Variants in STARD13 observed in about 807,000 individuals in gnomAD.
The protein encoded by STARD13 is stAR-related lipid transfer protein 13.
A neutral mutation model predicts 106.4 loss-of-function variants in STARD13; 62 were observed. The observed-to-expected ratio is 0.58, with a 90% CI of 0.48 to 0.72. STARD13 has a LOEUF of 0.72. Ranked by LOEUF, STARD13 falls within the 30% of genes least tolerant of loss-of-function variation. The probability of loss-of-function intolerance (pLI) is 0.00; values close to 1 mark genes in which losing one functional copy is unlikely to be tolerated. For synonymous variants in STARD13, 565 were observed against 553.0 expected (o/e 1.02, Z -0.31); for missense variants, 1,387 against 1,424.0 (o/e 0.97, Z 0.42).
chr13:33,411,730 G>A, the STARD13 span, among the ~76,000 whole-genome samples: 708 of 152,278 alleles, frequency 4.6e-3, 7 homozygotes, highest in African/African-American at 0.016. Flanking sequence ...ATAATATGTA[G>A]CCTTTTCATA....
intron 1 of STARD13, chr13:33,275,728 GA>G (rs1338415929): frequency 1.4e-4 from 21 of 152,338 alleles, no homozygotes; most frequent in African/African-American, 5.0e-4. Flanking sequence ...TTGAAAAAGA[GA>G]AGAAAAGGTG....
At chr13:33,462,353 C>A in the STARD13 span, among the ~76,000 whole-genome samples, 2 of 152,314 alleles carry the variant, frequency 1.3e-5, no homozygotes, top group Admixed American at 6.5e-5. Flanking sequence ...AGATCATATA[C>A]CACATTATTA....
intron 7 of STARD13, among the ~76,000 whole-genome samples, chr13:33,123,074 A>AAAAAAAAAAAAAAC (rs1876604599): frequency 1.3e-5 from 2 of 150,790 alleles, no homozygotes; most frequent in Non-Finnish European, 3.0e-5. Context: ...AAAAAAAAAA[A>AAAAAAAAAAAAAAC]AAAAAGCAAG....
chr13:33,426,549 ATTCATTATAAGCATTGGGCTAT>A, the STARD13 span, among the ~76,000 whole-genome samples: 1 of 152,164 alleles, frequency 6.6e-6, no homozygotes, highest in Non-Finnish European at 1.5e-5. Flanking sequence ...ATCCAAAACT[ATTCATTATAAGCATTGGGCTAT>A]TTCATTATAT....
intron 1 of STARD13, among the ~76,000 whole-genome samples, chr13:33,197,416 T>TG (rs1886704588): frequency 2.0e-5 from 3 of 148,026 alleles, no homozygotes; most frequent in Non-Finnish European, 3.0e-5. Context: ...AGGAAGAGAG[T>TG]TGTGTGTGTG....
chr13:33,390,105 G>T, the STARD13 span, among the ~76,000 whole-genome samples: 1 of 151,856 alleles, frequency 6.6e-6, no homozygotes, highest in Non-Finnish European at 1.5e-5. Flanking sequence ...AAGATGCTAG[G>T]GTCTGGAAAA....
chr13:33,355,648 G>T, the STARD13 span: 1 of 152,092 alleles, frequency 6.6e-6, no homozygotes, highest in African/African-American at 2.4e-5. Context: ...TGTATCCTTC[G>T]CTCCATTTCA....
chr13:33,275,388 A>C (rs1233748846), intron 1 of STARD13, among the ~76,000 whole-genome samples: 1 of 152,212 alleles, frequency 6.6e-6, no homozygotes, highest in Non-Finnish European at 1.5e-5. Context: ...TTTTGTCTTA[A>C]ATTGAGCACT....
At chr13:33,417,491 C>T in the STARD13 span, among the ~76,000 whole-genome samples, 1 of 152,174 alleles carries the variant, frequency 6.6e-6, no homozygotes, top group Non-Finnish European at 1.5e-5. Flanking sequence ...CGGCATTATT[C>T]ACAGTAGCCA....
intron 1 of STARD13, among the ~76,000 whole-genome samples, chr13:33,175,232 C>A (rs1884391559): frequency 6.6e-6 from 1 of 152,130 alleles, no homozygotes; most frequent in Non-Finnish European, 1.5e-5. Flanking sequence ...CAATCAGGCG[C>A]TTGTGGTATT....
rs555351512 is a variant in STARD13 at position 33,215,562 on chromosome 13, T to C, written c.170-47940A>G. Among the ~76,000 whole-genome samples the C allele has an allele frequency of 4.2e-4, 64 of 152,338 alleles. 1 individual carries two copies. The highest frequency in any genetic ancestry group is 6.2e-4 in the Non-Finnish European group (42 of 68,036). ...CTCAGACATAATAATGCTCATGATA[T>C]TCAAGGTCACTTCTATCACCTGGAG... On this transcript the variant is annotated intron_variant, in intron 1 of 13. Coordinates refer to ENST00000336934, the MANE Select transcript of STARD13 (RefSeq NM_178006.4).
the STARD13 span, among the ~76,000 whole-genome samples, chr13:33,501,898 T>C: frequency 6.6e-6 from 1 of 152,140 alleles, no homozygotes; most frequent in Non-Finnish European, 1.5e-5. Context: ...TTTAAAGTAG[T>C]TGTTTCCAAT....
intron 1 of STARD13, among the ~76,000 whole-genome samples, chr13:33,256,548 T>A (rs1233108583): frequency 3.1e-4 from 47 of 152,218 alleles, no homozygotes; most frequent in Admixed American, 3.1e-3. Context: ...CTCTTTAAAA[T>A]TTTTTTGAAA....
chr13:33,376,323 GACA>G, the STARD13 span, among the ~76,000 whole-genome samples: 1 of 152,130 alleles, frequency 6.6e-6, no homozygotes, highest in African/African-American at 2.4e-5. Flanking sequence ...AAATAAAAAT[GACA>G]ACAACAAAAA....
chr13:33,551,568 CCTTTTTTTTTT>C, the STARD13 span, among the ~76,000 whole-genome samples: 72 of 44,794 alleles, frequency 1.6e-3, 6 homozygotes, highest in East Asian at 2.6e-3. Context: ...TTTGCTTTTC[CCTTTTTTTTTT>C]TTTTTTTTTT....
intron 1 of STARD13, among the ~76,000 whole-genome samples, chr13:33,211,484 C>A (rs1296477806): frequency 6.6e-6 from 1 of 152,082 alleles, no homozygotes; most frequent in East Asian, 1.9e-4. Flanking sequence ...TGATATCAGA[C>A]ACCAAGGGGG....
the STARD13 span, among the ~76,000 whole-genome samples, chr13:33,361,304 C>G: frequency 7.4e-6 from 1 of 136,050 alleles, no homozygotes; most frequent in African/African-American, 2.5e-5. Flanking sequence ...AATATATCTT[C>G]TCTAACTTAC....
chr13:33,308,520 C>CTTTTTTTT (rs552526416), intron 1 of STARD13, among the ~76,000 whole-genome samples: 352 of 88,530 alleles, frequency 4.0e-3, no homozygotes, highest in East Asian at 5.6e-3. Context: ...CTTTTTCTTT[C>CTTTTTTTT]TTTTTTTTTT....
intron 1 of STARD13, among the ~76,000 whole-genome samples, chr13:33,187,849 A>AT (rs1216429537): frequency 2.6e-5 from 4 of 152,092 alleles, no homozygotes; most frequent in African/African-American, 9.6e-5. Context: ...CACCCAGCTA[A>AT]TTTTTGTATT....
Sources: allele counts gnomAD v4.1 joint callset (sites outside exome capture counted in the v4.1 genomes callset), GRCh38; gene constraint gnomAD v4.1.1; transcripts MANE v1.5; gene names NCBI Gene and HGNC (gene_info 2026-07-23, HGNC 2026-07-21).